The following TASP1 variants were observed in gnomAD, a reference collection of about 807,000 sequenced individuals.
TASP1 encodes threonine aspartase 1.
In TASP1, 16 loss-of-function variants were observed where a neutral mutation model predicts 56.6. The observed-to-expected ratio is 0.28, with a 90% CI of 0.19 to 0.43. The LOEUF is 0.43. TASP1 is among the 20% of genes least tolerant of loss of function. The probability of loss-of-function intolerance (pLI) is 1.00; values close to 1 mark genes in which losing one functional copy is unlikely to be tolerated. For synonymous variants in TASP1, 179 were observed against 184.2 expected (o/e 0.97, Z 0.23); for missense variants, 393 against 511.6 (o/e 0.77, Z 2.24).
chr20:13,307,809 C>A, the TASP1 span, among the ~76,000 whole-genome samples: 2 of 152,196 alleles, frequency 1.3e-5, no homozygotes, highest in Non-Finnish European at 2.9e-5. Flanking sequence ...GAATATATCA[C>A]AATTTTATTT....
At chr20:13,132,171 A>ATTTTTTT in the TASP1 span, among the ~76,000 whole-genome samples, 10 of 104,000 alleles carry the variant, frequency 9.6e-5, no homozygotes, top group African/African-American at 1.1e-4. Flanking sequence ...CCTTGCTTTA[A>ATTTTTTT]TTTTTTTTTT....
the TASP1 span, among the ~76,000 whole-genome samples, chr20:13,159,000 T>C: frequency 1.3e-5 from 2 of 152,202 alleles, no homozygotes; most frequent in Non-Finnish European, 2.9e-5. Flanking sequence ...CACTTATGGG[T>C]AAAGTCACTC....
intron 10 of TASP1, among the ~76,000 whole-genome samples, chr20:13,520,552 G>A (rs1378944298): frequency 6.6e-6 from 1 of 152,110 alleles, no homozygotes; most frequent in African/African-American, 2.4e-5. Context: ...AATGGTGCTG[G>A]GAAAACTGGC....
intron 12 of TASP1, among the ~76,000 whole-genome samples, chr20:13,431,585 G>T (rs1214756138): frequency 6.6e-6 from 1 of 152,176 alleles, no homozygotes; most frequent in Non-Finnish European, 1.5e-5. Context: ...CAATGGTATT[G>T]TTGACAGAGG....
At chr20:13,283,462 C>T in the TASP1 span, among the ~76,000 whole-genome samples, 2 of 151,942 alleles carry the variant, frequency 1.3e-5, no homozygotes, top group Admixed American at 6.6e-5. Context: ...TATATTTGTC[C>T]GCAAGGATTA....
chr20:13,302,239 A>C, the TASP1 span, among the ~76,000 whole-genome samples: 794 of 152,252 alleles, frequency 5.2e-3, 11 homozygotes, highest in African/African-American at 0.017. Context: ...GACCTTGCTG[A>C]CCTAATGAAC....
intron 10 of TASP1, among the ~76,000 whole-genome samples, chr20:13,500,969 AAT>A (rs1379870051): frequency 2.6e-5 from 4 of 152,242 alleles, no homozygotes; most frequent in Non-Finnish European, 2.9e-5. Flanking sequence ...GCAAATATGA[AAT>A]ATTAAAAACA....
the TASP1 span, among the ~76,000 whole-genome samples, chr20:13,169,486 G>A: frequency 6.6e-6 from 1 of 152,102 alleles, no homozygotes; most frequent in Non-Finnish European, 1.5e-5. Flanking sequence ...AAAGGCCTCA[G>A]CCAATTCCAT....
chr20:13,324,416 G>C, the TASP1 span, among the ~76,000 whole-genome samples: 1 of 152,150 alleles, frequency 6.6e-6, no homozygotes, highest in Non-Finnish European at 1.5e-5. Flanking sequence ...AAAGTGATAG[G>C]CAGTACCCAA....
At chr20:13,405,846 A>G (rs1395714149) in intron 13 of TASP1, among the ~76,000 whole-genome samples, 1 of 151,954 alleles carries the variant, frequency 6.6e-6, no homozygotes, top group African/African-American at 2.4e-5. Context: ...ATGAGCCACC[A>G]TGCCCAGCCA....
chr20:13,530,431 C>T (rs952503904), intron 9 of TASP1, among the ~76,000 whole-genome samples: 1 of 152,196 alleles, frequency 6.6e-6, no homozygotes, highest in African/African-American at 2.4e-5. Flanking sequence ...TATAAATAAA[C>T]TGGCAGACTT....
the TASP1 span, among the ~76,000 whole-genome samples, chr20:13,109,295 G>A: frequency 1.3e-5 from 2 of 152,176 alleles, no homozygotes; most frequent in Admixed American, 6.5e-5. Context: ...GAGAAGAAGG[G>A]ACAATGGCTT....
the TASP1 span, among the ~76,000 whole-genome samples, chr20:13,157,102 C>T: frequency 6.6e-6 from 1 of 151,876 alleles, no homozygotes; most frequent in East Asian, 1.9e-4. Flanking sequence ...GGATGTTTAG[C>T]CCTAGTTTAT....
At chr20:13,454,401 C>T (rs2043749459) in intron 11 of TASP1, among the ~76,000 whole-genome samples, 1 of 152,070 alleles carries the variant, frequency 6.6e-6, no homozygotes, top group Non-Finnish European at 1.5e-5. Flanking sequence ...TGGATGGCCT[C>T]CCTTCCCCTG....
chr20:13,136,490 C>T, the TASP1 span, among the ~76,000 whole-genome samples: 10 of 151,664 alleles, frequency 6.6e-5, no homozygotes, highest in Non-Finnish European at 1.2e-4. Flanking sequence ...GTCCCAGCTA[C>T]TCGGGAGGAA....
At chr20:13,413,393 A>C (rs1381945512) in intron 13 of TASP1, among the ~76,000 whole-genome samples, 1 of 152,082 alleles carries the variant, frequency 6.6e-6, no homozygotes, top group African/African-American at 2.4e-5. Context: ...TTTTAAGAAA[A>C]GCTGAGTAAT....
the TASP1 span, among the ~76,000 whole-genome samples, chr20:13,213,908 T>C: frequency 6.6e-6 from 1 of 152,134 alleles, no homozygotes. Flanking sequence ...CAAAATCAGC[T>C]GACCTAGGCT....
chr20:13,464,734 T>TG (rs1394978825), intron 11 of TASP1, among the ~76,000 whole-genome samples: 1 of 152,112 alleles, frequency 6.6e-6, no homozygotes, highest in Non-Finnish European at 1.5e-5. Flanking sequence ...GAATGATAGT[T>TG]GCCAGGAGCT....
At chr20:13,338,165 A>G in the TASP1 span, among the ~76,000 whole-genome samples, 7 of 152,220 alleles carry the variant, frequency 4.6e-5, no homozygotes, top group East Asian at 1.4e-3. Flanking sequence ...ACAAGGGTGG[A>G]TTATTTGTGA....
Sources: gnomAD v4.1 joint callset for allele counts (sites outside exome capture counted in the v4.1 genomes callset) on GRCh38, gnomAD v4.1.1 for gene constraint, MANE v1.5 for transcripts, NCBI Gene and HGNC (gene_info 2026-07-23, HGNC 2026-07-21) for gene names.